The following DGKZ variants were observed in gnomAD, a reference collection of about 807,000 sequenced individuals.
The protein encoded by DGKZ is diacylglycerol kinase zeta.
In DGKZ, 45 loss-of-function variants were observed where a neutral mutation model predicts 142.5. That is an observed-to-expected ratio of 0.32 (90% CI 0.25 to 0.40). The LOEUF is 0.40. Among genes scored for constraint, DGKZ ranks in the 10% least tolerant of loss-of-function variants. The probability of loss-of-function intolerance (pLI) is 1.00; values close to 1 mark genes in which losing one functional copy is unlikely to be tolerated. For synonymous variants in DGKZ, 442 were observed against 527.0 expected (o/e 0.84, Z 2.21); for missense variants, 755 against 1,306.5 (o/e 0.58, Z 6.51).
chr11:46,370,820 A>T (rs945243772), intron 6 of DGKZ, among the ~76,000 whole-genome samples: 3 of 152,162 alleles, frequency 2.0e-5, no homozygotes, highest in Non-Finnish European at 4.4e-5. Context: ...GTGGTGGCTC[A>T]CGCCTGTAAT....
chr11:46,339,817 T>C (rs1940188785), intron 1 of DGKZ, among the ~76,000 whole-genome samples: 1 of 151,894 alleles, frequency 6.6e-6, no homozygotes, highest in Non-Finnish European at 1.5e-5. Context: ...CCTTTCAGAG[T>C]TTTCAGAAAG....
chr11:46,336,990 G>A (rs759944489), intron 1 of DGKZ, among the ~76,000 whole-genome samples: 1 of 152,156 alleles, frequency 6.6e-6, no homozygotes, highest in African/African-American at 2.4e-5. Context: ...CACTGCACTC[G>A]AGGCTGGGAG....
At chr11:46,373,871 C>T (rs548078732) in intron 14 of DGKZ, among the ~76,000 whole-genome samples, 1 of 152,356 alleles carries the variant, frequency 6.6e-6, no homozygotes, top group Admixed American at 6.5e-5. Context: ...AAGCAGTGAG[C>T]AAAACCAAGC....
Position 46,371,207 on chromosome 11 carries a change from C to G in DGKZ, c.571-106C>G, listed in dbSNP as rs927004914. 4.5e-6 allele frequency: 5 copies of G among 1,108,754 alleles called. No homozygotes were observed. In the Admixed American group the frequency reaches 9.8e-5, roughly 22 times the overall value. 68.7% of individuals were successfully genotyped at this position (1,108,754 alleles called of 1,614,324 possible). ...AGGAGTTTGAGACCAGCCTGGGCAA[C>G]ATAGCGAGGCCCTGTCTCTGGGTGG... On this transcript the variant is annotated intron_variant, in intron 6 of 30. Coordinates refer to ENST00000527911, the Ensembl canonical transcript of DGKZ.
At chr11:46,364,552 A>G (rs548749207) in intron 1 of DGKZ, 137 of 985,418 alleles carry the variant, frequency 1.4e-4, no homozygotes, top group South Asian at 3.8e-4. Flanking sequence ...GGAAACTCCA[A>G]TAGGCAGAGA....
At chr11:46,378,939 G>A (rs1175680128) in intron 27 of DGKZ, 52 bp from the exon 28 acceptor site, 1 of 1,503,516 alleles carries the variant, frequency 6.7e-7, no homozygotes, top group Non-Finnish European at 8.8e-7. Context: ...TGAGCTCAGG[G>A]AAGGAGGGGT....
chr11:46,371,086 C>T (rs1943893196), intron 6 of DGKZ, among the ~76,000 whole-genome samples: 1 of 152,098 alleles, frequency 6.6e-6, no homozygotes, highest in South Asian at 2.1e-4. Context: ...ACTCCATCTC[C>T]AAACAAAAAC....
At chr11:46,366,627 A>C in intron 1 of DGKZ, 1 of 1,606,278 alleles carries the variant, frequency 6.2e-7, no homozygotes, top group Non-Finnish European at 8.5e-7. Flanking sequence ...GGTGTCCAGG[A>C]GGATGTGGTA....
exon 1 of DGKZ, chr11:46,333,150 G>C (rs1172576864): frequency 1.2e-6 from 1 of 815,350 alleles, no homozygotes; most frequent in Non-Finnish European, 1.6e-6. Context: ...GCGTCGCTAG[G>C]GACCTGCGGA....
intron 14 of DGKZ, 44 bp downstream of exon 14, chr11:46,373,145 G>T (rs1167148747): frequency 1.3e-6 from 2 of 1,504,272 alleles, no homozygotes; most frequent in East Asian, 5.0e-5. Flanking sequence ...GGTGACTGGG[G>T]ACTGGATCCC....
At chr11:46,344,644 G>A (rs1028062663), upstream of DGKZ, among the ~76,000 whole-genome samples, 1 of 151,968 alleles carries the variant, frequency 6.6e-6, no homozygotes, top group African/African-American at 2.4e-5. Flanking sequence ...AGTAGAAATG[G>A]GGTTTCACCA....
intron 6 of DGKZ, 26 bp downstream of exon 6, chr11:46,370,035 G>A (rs746279235): frequency 5.6e-6 from 9 of 1,613,120 alleles, no homozygotes; most frequent in Non-Finnish European, 5.9e-6. Flanking sequence ...CGAGGACATC[G>A]CCACCTGCAC....
intron 24 of DGKZ, chr11:46,376,784 C>A: frequency 1.4e-6 from 1 of 695,884 alleles, no homozygotes; most frequent in Non-Finnish European, 2.4e-6. Context: ...GGGTACCTAC[C>A]AAAGGCTTGC....
In DGKZ at chr11:46,370,017, G is replaced by T; in HGVS notation, c.570+8G>T. The stretch of plus-strand genomic sequence containing the variant: ...TGTCGGCACTGTGGGAAGGTGAGAG[G>T]CCCTGCCCGAGGACATCGCCACCTG... On this transcript the variant is annotated splice_region_variant and intron_variant, in intron 6 of 30. Coordinates refer to ENST00000527911, the Ensembl canonical transcript of DGKZ. The T allele has an allele frequency of 6.2e-7, 1 of 1,613,628 alleles. No individual in the cohort carries two copies. The highest frequency in any genetic ancestry group is 1.7e-5 in the Admixed American group (1 of 60,032).
At chr11:46,366,372 C>T in intron 1 of DGKZ, 1 of 1,519,286 alleles carries the variant, frequency 6.6e-7, no homozygotes, top group South Asian at 1.3e-5. Context: ...CGCTCCCCCG[C>T]TGGGCAGGCC....
chr11:46,333,759 A>T (rs1939878826), intron 1 of DGKZ, among the ~76,000 whole-genome samples: 1 of 152,212 alleles, frequency 6.6e-6, no homozygotes, highest in Middle Eastern at 3.4e-3. Context: ...GAGCCATGAC[A>T]TTGTTCTTAC....
Position 46,372,872 on chromosome 11 carries a change from C to T in DGKZ, c.1173C>T (p.Leu391=), listed in dbSNP as rs1339717237. The T allele has an allele frequency of 6.3e-7, 1 of 1,586,152 alleles. No individual in the cohort carries two copies. The highest frequency in any genetic ancestry group is 8.6e-7 in the Non-Finnish European group (1 of 1,165,846). Residue 391 remains leucine (L), a synonymous_variant, in exon 13 of 31, where the codon CTC becomes CTT. Transcript: ENST00000527911. The surrounding 1 kb of genome is among the most constrained non-coding windows in gnomAD (Gnocchi z 5.9). ...CTGGCAACGACTTGGCCCGAACCCT[C>T]AACTGGGGTGGGGTAAGCACCCATA...
exon 1 of DGKZ, chr11:46,333,436 C>G (rs1478166380): frequency 6.5e-7 from 1 of 1,531,306 alleles, no homozygotes; most frequent in South Asian, 1.2e-5. Flanking sequence ...GCTGGGCCCC[C>G]GGTGGAGGAG....
chr11:46,343,586 G>C (rs996831435), upstream of DGKZ, among the ~76,000 whole-genome samples: 1 of 152,216 alleles, frequency 6.6e-6, no homozygotes, highest in Non-Finnish European at 1.5e-5. Context: ...AGAATAAAGA[G>C]TGAATATATG....
Sources: gnomAD v4.1 joint callset for allele counts (sites outside exome capture counted in the v4.1 genomes callset) on GRCh38, gnomAD v4.1.1 for gene constraint, Gnocchi (gnomAD v3.1) non-coding constraint, MANE v1.5 for transcripts, NCBI Gene and HGNC (gene_info 2026-07-23, HGNC 2026-07-21) for gene names.